TNFRSF10A: variants seen among roughly 807,000 people sequenced by gnomAD.
TNFRSF10A encodes TNF receptor superfamily member 10a, also known as tumor necrosis factor receptor superfamily member 10A.
TNFRSF10A carries 44 observed loss-of-function variants against 42.8 expected under a neutral mutation model. The observed-to-expected ratio is 1.03, with a 90% CI of 0.81 to 1.32. The LOEUF is 1.32. TNFRSF10A is among the 40% of genes most tolerant of loss of function. The pLI is 0.00. For synonymous variants in TNFRSF10A, 259 were observed against 234.2 expected (o/e 1.11, Z -0.97); for missense variants, 680 against 602.0 (o/e 1.13, Z -1.36).
At chr8:23,222,278 A>C (rs777484363) in intron 1 of TNFRSF10A, among the ~76,000 whole-genome samples, 1 of 152,180 alleles carries the variant, frequency 6.6e-6, no homozygotes, top group African/African-American at 2.4e-5. Context: ...GAGCTCATGT[A>C]CCTAAAAATT....
At chr8:23,192,908 A>G (rs541471813) in intron 9 of TNFRSF10A, among the ~76,000 whole-genome samples, 6 of 152,294 alleles carry the variant, frequency 3.9e-5, no homozygotes, top group Non-Finnish European at 8.8e-5. Flanking sequence ...AAAAGTAGCA[A>G]AGAACTGAAA....
At chr8:23,215,576 A>T (rs1255550916) in intron 1 of TNFRSF10A, among the ~76,000 whole-genome samples, 1 of 152,226 alleles carries the variant, frequency 6.6e-6, no homozygotes, top group East Asian at 1.9e-4. Context: ...ATTCCAATTC[A>T]TAGACAGCTT....
chr8:23,222,036 C>G (rs570555000), intron 1 of TNFRSF10A, among the ~76,000 whole-genome samples: 2 of 152,250 alleles, frequency 1.3e-5, no homozygotes, highest in South Asian at 4.1e-4. Context: ...GCCACCGTGC[C>G]TGGCTAATTT....
chr8:23,221,604 G>C (rs939986029), intron 1 of TNFRSF10A, among the ~76,000 whole-genome samples: 2 of 152,176 alleles, frequency 1.3e-5, no homozygotes, highest in Non-Finnish European at 2.9e-5. Context: ...CCATTCACAG[G>C]CATGGCGGGT....
chr8:23,200,419 G>C, intron 6 of TNFRSF10A, 86 bp downstream of exon 6: 1 of 1,459,466 alleles, frequency 6.9e-7, no homozygotes. Context: ...CTAGGACTTG[G>C]GGCAGGGGTG....
intron 2 of TNFRSF10A, among the ~76,000 whole-genome samples, chr8:23,210,845 A>G (rs1325829784): frequency 2.6e-5 from 4 of 152,232 alleles, no homozygotes; most frequent in African/African-American, 9.6e-5. Context: ...AAAAACACAG[A>G]GAAAGCATTT....
intron 2 of TNFRSF10A, among the ~76,000 whole-genome samples, chr8:23,205,691 C>A (rs1800994820): frequency 6.7e-6 from 1 of 149,064 alleles, no homozygotes; most frequent in African/African-American, 2.5e-5. Flanking sequence ...TTGTGTAGAC[C>A]TAGGTTAATG....
chr8:23,199,776 G>T, intron 7 of TNFRSF10A, 110 bp downstream of exon 7: 1 of 1,460,848 alleles, frequency 6.8e-7, no homozygotes, highest in South Asian at 1.1e-5. Flanking sequence ...CCACTTCAGA[G>T]ACTCAGGGCA....
intron 2 of TNFRSF10A, among the ~76,000 whole-genome samples, chr8:23,211,552 T>C (rs1801091984): frequency 6.6e-6 from 1 of 152,086 alleles, no homozygotes; most frequent in Admixed American, 6.6e-5. Flanking sequence ...GATCCTAAAA[T>C]TAATATGGAA....
intron 2 of TNFRSF10A, among the ~76,000 whole-genome samples, chr8:23,206,540 T>C (rs528315967): frequency 6.6e-6 from 1 of 152,354 alleles, no homozygotes; most frequent in Non-Finnish European, 1.5e-5. Flanking sequence ...CTAAGAGCAA[T>C]AGGCTATATC....
At chr8:23,219,782 A>T (rs1174403963) in intron 1 of TNFRSF10A, among the ~76,000 whole-genome samples, 1 of 152,224 alleles carries the variant, frequency 6.6e-6, no homozygotes, top group Non-Finnish European at 1.5e-5. Flanking sequence ...CCAACAGCAG[A>T]CATGGGGGCG....
intron 2 of TNFRSF10A, chr8:23,207,191 C>A: frequency 1.7e-6 from 1 of 598,578 alleles, no homozygotes; most frequent in South Asian, 1.4e-5. Context: ...CACTTGTGTT[C>A]ATTGTAGATG....
chr8:23,206,754 C>T (rs1372867229), intron 2 of TNFRSF10A, among the ~76,000 whole-genome samples: 2 of 151,894 alleles, frequency 1.3e-5, no homozygotes, highest in Non-Finnish European at 2.9e-5. Context: ...GAAACCTGTA[C>T]AACAAAAAAT....
At chr8:23,199,153 G>C in intron 8 of TNFRSF10A, 113 bp downstream of exon 8, 1 of 1,327,840 alleles carries the variant, frequency 7.5e-7, no homozygotes, top group Non-Finnish European at 1.0e-6. Flanking sequence ...ACGCAGCCCC[G>C]TCCCCTGCAG....
At chr8:23,214,293 C>A (rs1340770430) in intron 1 of TNFRSF10A, among the ~76,000 whole-genome samples, 2 of 152,084 alleles carry the variant, frequency 1.3e-5, no homozygotes, top group African/African-American at 4.8e-5. Flanking sequence ...CGAGACCATC[C>A]TGGCTAACAC....
intron 1 of TNFRSF10A, among the ~76,000 whole-genome samples, chr8:23,217,723 T>A (rs151086170): frequency 6.6e-6 from 1 of 152,076 alleles, no homozygotes; most frequent in Admixed American, 6.5e-5. Flanking sequence ...CTAGAACCCA[T>A]GTTACTCATT....
Position 23,202,677 on chromosome 8 carries a change from G to T in TNFRSF10A, c.488C>A (p.Ala163Asp). Residue 163 changes from alanine to aspartate, a missense_variant, in exon 3 of 10, where the codon GCT becomes GAT. Physicochemically the swap from Ala to Asp is moderately radical, Grantham distance 126. Coordinates refer to ENST00000221132, the MANE Select transcript of TNFRSF10A (RefSeq NM_003844.4). ...GYTNASNNLF[A>D]CLPCTACKSD... is the part of the protein sequence containing the mutation. Reference sequence around the variant, plus strand: ...TTTACAAGCTGTACATGGGAGGCAAGCAAACAAATTGTTGGAAGCATTGGT... The same window carrying T: ...TTTACAAGCTGTACATGGGAGGCAATCAAACAAATTGTTGGAAGCATTGGT... The T allele has an allele frequency of 6.2e-7, 1 of 1,613,960 alleles. No homozygotes were observed. Among genetic ancestry groups the T allele is most frequent in the Non-Finnish European group, 8.5e-7 (1 of 1,179,892 alleles).
At chr8:23,207,440 T>C (rs186706067) in intron 2 of TNFRSF10A, 1 of 473,266 alleles carries the variant, frequency 2.1e-6, no homozygotes, top group Non-Finnish European at 4.1e-6. Flanking sequence ...GAGGCCCAGA[T>C]GCCTTTACCA....
intron 1 of TNFRSF10A, among the ~76,000 whole-genome samples, chr8:23,219,420 C>A (rs1385206048): frequency 7.2e-6 from 1 of 137,962 alleles, no homozygotes; most frequent in Non-Finnish European, 1.6e-5. Flanking sequence ...TCCCAGAGGC[C>A]AAGTGCAGGG....
Sources: allele counts gnomAD v4.1 joint callset (sites outside exome capture counted in the v4.1 genomes callset), GRCh38; gene constraint gnomAD v4.1.1; transcripts MANE v1.5; gene names NCBI Gene and HGNC (gene_info 2026-07-23, HGNC 2026-07-21).